PLCL2: variants seen among roughly 807,000 people sequenced by gnomAD.
PLCL2 encodes the protein inactive phospholipase C-like protein 2.
In PLCL2, 4 loss-of-function variants were observed where a neutral mutation model predicts 79.6. The observed-to-expected ratio is 0.05, with a 90% CI of 0.02 to 0.11. The LOEUF (loss-of-function observed/expected upper bound fraction) is 0.11, where lower values mean the gene tolerates loss of function less well. PLCL2 is among the 10% of genes least tolerant of loss of function. The probability of loss-of-function intolerance (pLI) is 1.00; values close to 1 mark genes in which losing one functional copy is unlikely to be tolerated. For missense variants in PLCL2, 895 were observed against 1,291.0 expected, an observed-to-expected ratio of 0.69 and a Z score of 4.70; for synonymous variants, 484 against 457.7, an observed-to-expected ratio of 1.06 and a Z score of -0.73.
rs1168940962 is a variant in PLCL2, at chr3:16,885,070, G to C, written c.31G>C (p.Gly11Arg). 5.2e-6 allele frequency: 2 copies of C among 383,934 alleles called. No homozygotes were observed. The highest frequency in any genetic ancestry group is 7.5e-5 in the East Asian group (2 of 26,836). 23.8% of individuals were successfully genotyped at this position (383,934 alleles called of 1,614,324 possible). The change falls in exon 1 of 6, where the codon GGC becomes CGC. Residue 11 changes from glycine (G) to arginine (R), a missense_variant. Gly to Arg is a moderately radical substitution (Grantham distance 125). Transcript: ENST00000615277. MAECGRGGAA[G>R]GALPTSPGPA... ...GGAGTGCGGCCGGGGGGGCGCCGCC[G>C]GCGGGGCCCTGCCCACCTCCCCGGG...
chr3:16,908,568 C>T (rs1696801942), intron 1 of PLCL2, among the ~76,000 whole-genome samples: 1 of 152,076 alleles, frequency 6.6e-6, no homozygotes, highest in Admixed American at 6.5e-5. Context: ...AGGGCAGTTG[C>T]AGGGATTTGG....
chr3:17,083,640 A>T (rs1297950761), intron 5 of PLCL2, among the ~76,000 whole-genome samples: 1 of 152,238 alleles, frequency 6.6e-6, no homozygotes, highest in Non-Finnish European at 1.5e-5. Flanking sequence ...GGTGGCTTAA[A>T]CCACAATGTT....
At chr3:16,915,959 A>G (rs1696984638) in intron 1 of PLCL2, among the ~76,000 whole-genome samples, 2 of 152,332 alleles carry the variant, frequency 1.3e-5, no homozygotes, top group Admixed American at 1.3e-4. Context: ...CTCACACCTC[A>G]GGAGGTGATT....
At chr3:16,978,077 T>C (rs972052092) in intron 1 of PLCL2, among the ~76,000 whole-genome samples, 2 of 152,226 alleles carry the variant, frequency 1.3e-5, no homozygotes, top group African/African-American at 4.8e-5. Flanking sequence ...TAGTGAGACA[T>C]AGACATTCAG....
intron 1 of PLCL2, among the ~76,000 whole-genome samples, chr3:16,929,875 A>C (rs1469838047): frequency 6.6e-6 from 1 of 152,210 alleles, no homozygotes; most frequent in Non-Finnish European, 1.5e-5. Context: ...GGTAGCCCTG[A>C]GGTCTTTGGG....
Position 17,010,585 on chromosome 3 carries a change from C to T in PLCL2, c.1239C>T (p.Asp413=). The change falls in exon 2 of 6, where the codon GAC becomes GAT. Residue 413 remains aspartate, a synonymous_variant. Coordinates refer to ENST00000615277, the MANE Select transcript of PLCL2 (RefSeq NM_001144382.2). The surrounding 1 kb of genome is among the most constrained non-coding windows in gnomAD (Gnocchi z 5.8). The part of the protein sequence containing the change: ...DGFTNYLMSP[D]CYIFDPEHKK... ...TCACTAATTACCTTATGTCACCTGACTGTTATATATTCGATCCAGAACATA... is the reference window on the plus strand; with the variant it reads ...TCACTAATTACCTTATGTCACCTGATTGTTATATATTCGATCCAGAACATA... 6.2e-7 allele frequency: 1 copy of T among 1,614,146 alleles called. No homozygotes were observed.
chr3:16,946,598 G>A (rs1470802226), intron 1 of PLCL2, among the ~76,000 whole-genome samples: 1 of 152,034 alleles, frequency 6.6e-6, no homozygotes, highest in African/African-American at 2.4e-5. Flanking sequence ...ATGAATTCAG[G>A]GTTGTAAACA....
At chr3:16,962,365 C>G (rs2063763007) in intron 1 of PLCL2, among the ~76,000 whole-genome samples, 1 of 151,976 alleles carries the variant, frequency 6.6e-6, no homozygotes, top group African/African-American at 2.4e-5. Context: ...TGCCCCACGA[C>G]CCATCTGTTA....
intron 1 of PLCL2, among the ~76,000 whole-genome samples, chr3:16,957,858 C>T (rs1262799139): frequency 6.6e-6 from 1 of 151,950 alleles, no homozygotes; most frequent in Non-Finnish European, 1.5e-5. Flanking sequence ...CAACCCCTGC[C>T]TTTTTTGTTT....
intron 1 of PLCL2, among the ~76,000 whole-genome samples, chr3:16,896,026 G>A (rs893393364): frequency 5.9e-5 from 9 of 152,186 alleles, no homozygotes; most frequent in African/African-American, 1.7e-4. Flanking sequence ...GATTCCAAAT[G>A]TGGGTTTACT....
At chr3:16,957,216 C>T (rs2063714309) in intron 1 of PLCL2, among the ~76,000 whole-genome samples, 1 of 152,020 alleles carries the variant, frequency 6.6e-6, no homozygotes, top group Admixed American at 6.5e-5. Flanking sequence ...CCCAGAGATT[C>T]TGGTATGTTG....
chr3:17,062,907 A>G (rs1398091028), intron 4 of PLCL2, among the ~76,000 whole-genome samples: 2 of 152,238 alleles, frequency 1.3e-5, no homozygotes, highest in East Asian at 1.9e-4. Context: ...CAGCGGCGGC[A>G]GCAGCAACCT....
At chr3:16,892,881 A>G (rs1337200592) in intron 1 of PLCL2, among the ~76,000 whole-genome samples, 1 of 152,190 alleles carries the variant, frequency 6.6e-6, no homozygotes, top group Non-Finnish European at 1.5e-5. Flanking sequence ...CAAAGCCAGC[A>G]TTCTGACCAG....
chr3:16,950,189 G>A (rs945341610), intron 1 of PLCL2, among the ~76,000 whole-genome samples: 13 of 152,142 alleles, frequency 8.5e-5, no homozygotes, highest in Admixed American at 4.6e-4. Context: ...TTGGGATTTT[G>A]TTAGGGATTA....
In PLCL2 at chr3:17,004,176, G is replaced by T. The variant is rs6796005; in HGVS notation, c.328-5498G>T. On this transcript the variant is annotated intron_variant, in intron 1 of 5. Transcript: ENST00000615277. ...GACCGTGGCTCTCTGATGCATACAA[G>T]AACAGTTATGATTTTATAGATTATT... is the stretch of plus-strand genomic sequence containing the variant. Among the ~76,000 whole-genome samples, 1,131 of 152,188 alleles carry T rather than the reference G, an allele frequency of 7.4e-3. 19 individuals carry two copies. The highest frequency in any genetic ancestry group is 0.026 in the African/African-American group (1,081 of 41,538).
chr3:16,885,361 A>G lies in PLCL2; in HGVS notation c.322A>G (p.Ile108Val). The change falls in exon 1 of 6, where the codon ATC (isoleucine) becomes GTC (valine). Residue 108 changes from isoleucine to valine, a missense_variant. Transcript: ENST00000615277. The part of the protein sequence containing the change: ...PGGLPRRSSI[I>V]KDGTKQKRER... Reference sequence around the variant, plus strand: ...CGGCCTGCCCCGCCGGAGCAGCATCATCAAGGTAGGTGGGAGAAGGGCGCT... The same window carrying G: ...CGGCCTGCCCCGCCGGAGCAGCATCGTCAAGGTAGGTGGGAGAAGGGCGCT... 1.6e-6 allele frequency: 1 copy of G among 636,340 alleles called. No homozygotes were observed. The highest frequency in any genetic ancestry group is 2.8e-6 in the Non-Finnish European group (1 of 353,264). The allele number at this position is 636,340 out of a possible 1,614,324, so 39.4% of individuals were successfully genotyped here. A position where few individuals can be genotyped will look rare whatever the true frequency, so the allele number is the denominator to read the frequency against.
At chr3:17,012,748 G>T (rs947581032) in intron 2 of PLCL2, among the ~76,000 whole-genome samples, 2 of 152,164 alleles carry the variant, frequency 1.3e-5, no homozygotes, top group African/African-American at 4.8e-5. Context: ...ATGGCTAAAA[G>T]CAGTCAGTTA....
chr3:16,892,666 T>G (rs1368104829), intron 1 of PLCL2, among the ~76,000 whole-genome samples: 1 of 152,208 alleles, frequency 6.6e-6, no homozygotes, highest in East Asian at 1.9e-4. Context: ...TCAGCATGTT[T>G]TGTCATGTAA....
chr3:16,960,232 A>C (rs907870053), intron 1 of PLCL2, among the ~76,000 whole-genome samples: 1 of 152,210 alleles, frequency 6.6e-6, no homozygotes, highest in African/African-American at 2.4e-5. Context: ...AAAATCAAGA[A>C]GCCTCACATA....
Sources: gnomAD v4.1 joint callset for allele counts (sites outside exome capture counted in the v4.1 genomes callset) on GRCh38, gnomAD v4.1.1 for gene constraint, Gnocchi (gnomAD v3.1) non-coding constraint, MANE v1.5 for transcripts, NCBI Gene and HGNC (gene_info 2026-07-23, HGNC 2026-07-21) for gene names.